Variants in KAT2A observed in about 807,000 individuals in gnomAD.
The protein encoded by KAT2A is lysine acetyltransferase 2A.
In KAT2A, 42 loss-of-function variants were observed where a neutral mutation model predicts 95.2. The observed-to-expected ratio is 0.44, with a 90% CI of 0.34 to 0.57. The LOEUF (loss-of-function observed/expected upper bound fraction) is 0.57. Among genes scored for constraint, KAT2A ranks in the 20% least tolerant of loss-of-function variants. The pLI is 0.01. For missense variants in KAT2A, 784 were observed against 1,126.3 expected (o/e 0.70, Z 4.35); for synonymous variants, 449 against 448.2 (o/e 1.00, Z -0.02).
chr17:42,119,282 G>A lies in KAT2A; in HGVS notation c.1036C>T (p.Pro346Ser), dbSNP rs1555666775. 1 of 1,613,576 alleles carries A rather than the reference G, an allele frequency of 6.2e-7. No individual in the cohort carries two copies. Among genetic ancestry groups the A allele is most frequent in the Non-Finnish European group, 8.5e-7 (1 of 1,179,594 alleles). Residue 346 changes from proline to serine, a missense_variant, in exon 6 of 18, where the codon CCC becomes TCC. Around this residue, in one of 6 missense-constraint regions of KAT2A, gnomAD observed 208 missense variants for 339.7 expected, o/e 0.61. Coordinates refer to ENST00000225916, the MANE Select transcript of KAT2A (RefSeq NM_021078.3). This position sits in a 1 kb window ranked among gnomAD's most constrained non-coding sequence, Gnocchi z 5.3. ...KFRVEKDKLVPEKRTLILTHF... is the reference protein window; with the variant it reads ...KFRVEKDKLVSEKRTLILTHF... Reference sequence around the variant, plus strand: ...GTGAGGATGAGGGTCCTCTTCTCGGGCACCAATTTGTCCTTCTCCACTCGG... The same window carrying A: ...GTGAGGATGAGGGTCCTCTTCTCGGACACCAATTTGTCCTTCTCCACTCGG...
chr17:42,115,001 C>T lies in KAT2A; in HGVS notation c.1910G>A (p.Arg637His). The T allele has an allele frequency of 3.1e-6, 5 of 1,613,976 alleles. No homozygotes were observed. Among genetic ancestry groups the T allele is most frequent in the East Asian group, 4.5e-5 (2 of 44,882 alleles). The change falls in exon 13 of 18, where the codon CGC becomes CAC. Residue 637 changes from arginine to histidine, a missense_variant. Arg to His is a conservative substitution (Grantham distance 29, BLOSUM62 0). This residue lies in a region of KAT2A where 174 missense variants were observed against 324.9 expected (regional missense o/e 0.54). Transcript: ENST00000225916. ...GTAGTCCTTGATGTAGCCCAGGTAGCGGCTCTTGGGCACCTTGATGTCCTT... is the reference window on the plus strand; with the variant it reads ...GTAGTCCTTGATGTAGCCCAGGTAGTGGCTCTTGGGCACCTTGATGTCCTT... ...FSKDIKVPKS[R>H]YLGYIKDYEG...
At position 42,121,284 on chromosome 17, in the gene KAT2A, G is replaced by T; in HGVS notation, c.21C>A (p.Ala7=). ...GCTGCGCAGCCGGGGCCGGGGTCGG[G>T]GCCTGGGAAGGTTCCGCCATGGCCT... MAEPSQ[A]PTPAPAAQPR... The change falls in exon 1 of 18, where the codon GCC becomes GCA. Residue 7 remains alanine (A), a synonymous_variant. Coordinates refer to ENST00000225916, the MANE Select transcript of KAT2A (RefSeq NM_021078.3). The T allele has an allele frequency of 7.3e-7, 1 of 1,375,744 alleles. No homozygotes were observed. The highest frequency in any genetic ancestry group is 9.3e-7 in the Non-Finnish European group (1 of 1,072,018). The allele number at this position is 1,375,744 out of a possible 1,614,324, so 85.2% of individuals were successfully genotyped here.
chr17:42,118,167 G>C (rs2054289392), intron 7 of KAT2A, 130 bp downstream of exon 7: 1 of 817,566 alleles, frequency 1.2e-6, no homozygotes, highest in Admixed American at 2.3e-5. Flanking sequence ...AGGGACTGGG[G>C]GGGCTGAAGC....
chr17:42,114,181 G>T lies in KAT2A; in HGVS notation c.2235+38C>A. On this transcript the variant is annotated intron_variant, in intron 16 of 17. Coordinates refer to ENST00000225916, the MANE Select transcript of KAT2A (RefSeq NM_021078.3). The surrounding 1 kb of genome is among the most constrained non-coding windows in gnomAD (Gnocchi z 6.0). ...ACTGCATCAAGAGGCCACAGCCATT[G>T]GTGCAGGGGCCCTGGAAAGGAAACC... 1 of 1,579,582 alleles carries T rather than the reference G, an allele frequency of 6.3e-7. No homozygotes were observed.
In KAT2A at chr17:42,114,218, C is replaced by T. The variant is rs781790035; in HGVS notation, c.2235+1G>A. The T allele has an allele frequency of 2.5e-6, 4 of 1,595,738 alleles. No homozygotes were observed. The highest frequency in any genetic ancestry group is 3.4e-6 in the Non-Finnish European group (4 of 1,169,882). On this transcript the variant is annotated splice_donor_variant, in intron 16 of 17. Transcript: ENST00000225916. LOFTEE classifies it high-confidence loss of function. This position sits in a 1 kb window ranked among gnomAD's most constrained non-coding sequence, Gnocchi z 6.0. Reference sequence around the variant, plus strand: ...CTGGAAAGGAAACCTGGTCTCCCCACCTTGATTTGGGCCAGCAGGTTTTTG... The same window carrying T: ...CTGGAAAGGAAACCTGGTCTCCCCATCTTGATTTGGGCCAGCAGGTTTTTG...
At chr17:42,118,475 C>A in intron 6 of KAT2A, 72 bp from the exon 7 acceptor site, 1 of 1,064,842 alleles carries the variant, frequency 9.4e-7, no homozygotes, top group South Asian at 1.3e-5. Flanking sequence ...AGCAGAGGGA[C>A]TGGAGGCTGG....
chr17:42,119,728 G>C lies in KAT2A; in HGVS notation c.700-10C>G. The stretch of plus-strand genomic sequence containing the variant: ...CAAAGTTCAGCACACCCTGAGAAGG[G>C]GTGGGTGGGGGATAAAACCAGGAAT... On this transcript the variant is annotated splice_polypyrimidine_tract_variant and intron_variant, in intron 4 of 17. Coordinates refer to ENST00000225916, the MANE Select transcript of KAT2A (RefSeq NM_021078.3). The surrounding 1 kb of genome is among the most constrained non-coding windows in gnomAD (Gnocchi z 5.3). 6.3e-7 allele frequency: 1 copy of C among 1,588,234 alleles called. No individual in the cohort carries two copies. Among genetic ancestry groups the C allele is most frequent in the Non-Finnish European group, 8.6e-7 (1 of 1,165,984 alleles).
At chr17:42,118,062 G>A in intron 7 of KAT2A, 45 bp from the exon 8 acceptor site, 1 of 1,244,458 alleles carries the variant, frequency 8.0e-7, no homozygotes, top group Non-Finnish European at 1.1e-6. Flanking sequence ...TGAAGCTGAG[G>A]AGAGAGAGAG....
chr17:42,118,369 C>T lies in KAT2A; in HGVS notation c.1108G>A (p.Ala370Thr), dbSNP rs2054292567. Residue 370 changes from alanine (A) to threonine (T), a missense_variant, in exon 7 of 18, where the codon GCA becomes ACA. Physicochemically the swap from Ala to Thr is moderately conservative, Grantham distance 58. This residue lies in a region of KAT2A where 63 missense variants were observed against 70.1 expected (regional missense o/e 0.90). Coordinates refer to ENST00000225916, the MANE Select transcript of KAT2A (RefSeq NM_021078.3). The part of the protein sequence containing the change: ...LSMLEEEIYG[A>T]NSPIWESGFT... ...CCTGACTCCCAGATTGGAGAGTTTG[C>T]CCCATAGATCTCCTCCTCCAGCATG... 6.2e-7 allele frequency: 1 copy of T among 1,613,158 alleles called. No individual in the cohort carries two copies.
In KAT2A at chr17:42,113,258, C is replaced by T. The variant is rs183640326; in HGVS notation, c.*391G>A. The T allele has an allele frequency of 1.9e-3, 348 of 185,686 alleles. 1 individual carries two copies. The highest frequency in any genetic ancestry group is 2.9e-3 in the Admixed American group (46 of 15,744). 11.5% of individuals were successfully genotyped at this position (185,686 alleles called of 1,614,324 possible). A position where few individuals can be genotyped will look rare whatever the true frequency, so the allele number is the denominator to read the frequency against. On this transcript the variant is annotated 3_prime_UTR_variant, in exon 18 of 18. Transcript: ENST00000225916. ...TTCAGTTTGGGCTGAACTTCCAACC[C>T]CTGAAGCCATCACTCAAGCTAAAAT...
Position 42,113,519 on chromosome 17 carries a change from G to T in KAT2A, c.*130C>A. The T allele has an allele frequency of 1.3e-6, 1 of 790,262 alleles. No individual in the cohort carries two copies. The highest frequency in any genetic ancestry group is 2.0e-6 in the Non-Finnish European group (1 of 502,758). The allele number at this position is 790,262 out of a possible 1,614,324, so 49.0% of individuals were successfully genotyped here. ...AAGGTCCAGAAAGAGCTGCAGGATCGGGTCCGGAGGACCCTTGGCTGGAGT... is the reference window on the plus strand; with the variant it reads ...AAGGTCCAGAAAGAGCTGCAGGATCTGGTCCGGAGGACCCTTGGCTGGAGT... On this transcript the variant is annotated 3_prime_UTR_variant, in exon 18 of 18. Transcript: ENST00000225916.
chr17:42,114,236 G>C lies in KAT2A; in HGVS notation c.2218C>G (p.Leu740Val), dbSNP rs782669424. 6.3e-7 allele frequency: 1 copy of C among 1,598,638 alleles called. No homozygotes were observed. The highest frequency in any genetic ancestry group is 8.5e-7 in the Non-Finnish European group (1 of 1,171,228). The change falls in exon 16 of 18, where the codon CTG becomes GTG. Residue 740 changes from leucine (L) to valine (V), a missense_variant. This residue lies in a region of KAT2A where 195 missense variants were observed against 247.1 expected (regional missense o/e 0.79). Coordinates refer to ENST00000225916, the MANE Select transcript of KAT2A (RefSeq NM_021078.3). The surrounding 1 kb of genome is among the most constrained non-coding windows in gnomAD (Gnocchi z 6.0). Reference sequence around the variant, plus strand: ...CTCCCCACCTTGATTTGGGCCAGCAGGTTTTTGAGGGTTGTGTAGAGCTGG... The same window carrying C: ...CTCCCCACCTTGATTTGGGCCAGCACGTTTTTGAGGGTTGTGTAGAGCTGG... ...PDQLYTTLKN[L>V]LAQIKSHPSA...
rs1555666413 is a variant in KAT2A at position 42,117,963 on chromosome 17, C to T, written c.1235G>A (p.Gly412Asp). 1 of 1,608,722 alleles carries T rather than the reference C, an allele frequency of 6.2e-7. No individual in the cohort carries two copies. Among genetic ancestry groups the T allele is most frequent in the Non-Finnish European group, 8.5e-7 (1 of 1,176,398 alleles). Residue 412 changes from glycine to aspartate, a missense_variant, in exon 8 of 18, where the codon GGT becomes GAT. Gly to Asp is a moderately conservative substitution (Grantham distance 94). Around this residue, in one of 6 missense-constraint regions of KAT2A, gnomAD observed 63 missense variants for 70.1 expected, o/e 0.90. Coordinates refer to ENST00000225916, the MANE Select transcript of KAT2A (RefSeq NM_021078.3). The surrounding 1 kb of genome is among the most constrained non-coding windows in gnomAD (Gnocchi z 8.9). ...PSTPIFSPSM[G>D]GGSNSSLSLD... Reference sequence around the variant, plus strand: ...ACTCAGGGAGCTGTTGCTGCCCCCACCCATGCTGGGGCTGAAGATGGGGGT... The same window carrying T: ...ACTCAGGGAGCTGTTGCTGCCCCCATCCATGCTGGGGCTGAAGATGGGGGT...
In KAT2A at chr17:42,114,721, C is replaced by T; in HGVS notation, c.2020-117G>A. 1.7e-6 allele frequency: 2 copies of T among 1,162,262 alleles called. No homozygotes were observed. The highest frequency in any genetic ancestry group is 2.5e-6 in the Non-Finnish European group (2 of 799,910). 72.0% of individuals were successfully genotyped at this position (1,162,262 alleles called of 1,614,324 possible). A position where few individuals can be genotyped will look rare whatever the true frequency, so the allele number is the denominator to read the frequency against. On this transcript the variant is annotated intron_variant, in intron 13 of 17. Transcript: ENST00000225916. This position sits in a 1 kb window ranked among gnomAD's most constrained non-coding sequence, Gnocchi z 6.0. ...GCTGCAACGCCACCTAATCCAGCAC[C>T]TCCCCTCATAACTTCCCCAAGGGAG...
intron 1 of KAT2A, 47 bp from the exon 2 acceptor site, chr17:42,120,876 G>A (rs1555667161): frequency 3.8e-6 from 6 of 1,579,006 alleles, no homozygotes; most frequent in Middle Eastern, 1.7e-4. Context: ...TGGGGCAAGA[G>A]CCGCTCCGCA....
At position 42,114,255 on chromosome 17, in the gene KAT2A, G is replaced by T; in HGVS notation, c.2199C>A (p.Leu733=). 2 of 1,608,640 alleles carry T rather than the reference G, an allele frequency of 1.2e-6. No individual in the cohort carries two copies. Among genetic ancestry groups the T allele is most frequent in the Non-Finnish European group, 1.7e-6 (2 of 1,176,634 alleles). Residue 733 remains leucine, a synonymous_variant, in exon 16 of 18, where the codon CTC becomes CTA. Coordinates refer to ENST00000225916, the MANE Select transcript of KAT2A (RefSeq NM_021078.3). The surrounding 1 kb of genome is among the most constrained non-coding windows in gnomAD (Gnocchi z 6.0). ...KGKELKDPDQ[L]YTTLKNLLAQ... ...CCAGCAGGTTTTTGAGGGTTGTGTA[G>T]AGCTGGTCGGGGTCCTTCAGCTCCT...
chr17:42,119,800 C>T lies in KAT2A; in HGVS notation c.700-82G>A, dbSNP rs1344364686. The T allele has an allele frequency of 1.6e-6, 2 of 1,259,724 alleles. No individual in the cohort carries two copies. The highest frequency in any genetic ancestry group is 2.2e-6 in the Non-Finnish European group (2 of 908,424). The allele number at this position is 1,259,724 out of a possible 1,614,324, so 78.0% of individuals were successfully genotyped here. On this transcript the variant is annotated intron_variant, in intron 4 of 17. Transcript: ENST00000225916. This position sits in a 1 kb window ranked among gnomAD's most constrained non-coding sequence, Gnocchi z 5.3. ...GCCTTCTTAGACAAAGGAAGATGCT[C>T]CCTGGCCAGGGACAAGGTTCTCCTT... is the stretch of plus-strand genomic sequence containing the variant.
At chr17:42,116,895 C>T in intron 11 of KAT2A, 140 bp downstream of exon 11, 1 of 1,042,122 alleles carries the variant, frequency 9.6e-7, no homozygotes, top group Non-Finnish European at 1.4e-6. Flanking sequence ...CGGCTGCCAC[C>T]TTGTGGGGAT....
chr17:42,118,625 T>G (rs536986225), intron 6 of KAT2A, among the ~76,000 whole-genome samples: 3 of 152,170 alleles, frequency 2.0e-5, no homozygotes, highest in Non-Finnish European at 2.9e-5. Context: ...CACCACGCTG[T>G]GTGGCACAGG....
Sources: gnomAD v4.1 joint callset for allele counts (sites outside exome capture counted in the v4.1 genomes callset) on GRCh38, gnomAD v4.1.1 for gene constraint, gnomAD v4.1.1 regional missense constraint, Gnocchi (gnomAD v3.1) non-coding constraint, MANE v1.5 for transcripts, NCBI Gene and HGNC (gene_info 2026-07-23, HGNC 2026-07-21) for gene names.